Variants in SYTL5 observed in about 807,000 individuals in gnomAD.
SYTL5 encodes synaptotagmin like 5.
A neutral mutation model predicts 55.9 loss-of-function variants in SYTL5; 34 were observed. The observed-to-expected ratio is 0.61, with a 90% CI of 0.46 to 0.81. SYTL5 has a LOEUF of 0.81. Ranked by LOEUF, SYTL5 falls within the 30% of genes least tolerant of loss-of-function variation. The pLI is 0.00. For synonymous variants in SYTL5, 221 were observed against 188.7 expected, an observed-to-expected ratio of 1.17 and a Z score of -1.40; for missense variants, 637 against 546.7, an observed-to-expected ratio of 1.17 and a Z score of -1.65.
intron 1 of SYTL5, among the ~76,000 whole-genome samples, chrX:38,028,858 C>A (rs1386602591): frequency 9.0e-6 from 1 of 111,470 alleles, no homozygotes; most frequent in African/African-American, 3.3e-5. Context: ...TGTCTTAGGG[C>A]AGTCACAGTC....
chrX:38,068,748 G>A (rs1936172498), intron 3 of SYTL5, among the ~76,000 whole-genome samples: 1 of 110,820 alleles, frequency 9.0e-6, no homozygotes, highest in African/African-American at 3.3e-5. Context: ...AGATAAAGAT[G>A]GCAACAATAG....
chrX:37,914,831 C>T, the SYTL5 span, among the ~76,000 whole-genome samples: 6 of 112,099 alleles, frequency 5.4e-5, no homozygotes, highest in African/African-American at 1.9e-4. Context: ...CTAGCCCTCA[C>T]TCTAAACTAA....
At chrX:38,091,057 G>A (rs1936790234) in intron 7 of SYTL5, among the ~76,000 whole-genome samples, 1 of 112,095 alleles carries the variant, frequency 8.9e-6, no homozygotes, top group East Asian at 2.8e-4. Flanking sequence ...GGGGGAAACT[G>A]GAGGTTTTAG....
chrX:38,058,915 G>A (rs1034270234), intron 3 of SYTL5, among the ~76,000 whole-genome samples: 2 of 110,555 alleles, frequency 1.8e-5, no homozygotes, highest in African/African-American at 6.6e-5. Flanking sequence ...TCTATGCCAG[G>A]TAGTCAAGAT....
At chrX:38,079,746 G>A (rs780460365) in intron 6 of SYTL5, among the ~76,000 whole-genome samples, 29 of 111,919 alleles carry the variant, frequency 2.6e-4, no homozygotes, top group African/African-American at 9.4e-4. Context: ...GTGGTCTGAG[G>A]ACTCAGCCTG....
In SYTL5 at chrX:38,126,590, G is replaced by A; in HGVS notation, c.2053G>A (p.Val685Met). 8.3e-7 allele frequency: 1 copy of A among 1,211,560 alleles called. No homozygotes were observed. The highest frequency in any genetic ancestry group is 1.1e-6 in the Non-Finnish European group (1 of 895,345). Residue 685 changes from valine (V) to methionine (M), a missense_variant and splice_region_variant, in exon 17 of 17, where the codon GTG becomes ATG. By Grantham distance (21) the Val-to-Met change is conservative. Coordinates refer to ENST00000297875, the MANE Select transcript of SYTL5 (RefSeq NM_138780.3). ...GGVRLNSGSG[V>M]SHGKNVDWMD... ...ATTTTCCCGTTTCGCCTCTTCAGGT[G>A]TGAGCCATGGGAAGAACGTGGATTG...
chrX:37,968,747 T>A, the SYTL5 span, among the ~76,000 whole-genome samples: 2 of 111,968 alleles, frequency 1.8e-5, no homozygotes, highest in African/African-American at 3.2e-5. Flanking sequence ...ACTAGGCTGA[T>A]CGCTTTCTCA....
At chrX:38,076,738 A>G (rs1198812802) in intron 6 of SYTL5, 37 bp downstream of exon 6, 2 of 1,182,699 alleles carry the variant, frequency 1.7e-6, no homozygotes, top group South Asian at 3.8e-5. Flanking sequence ...ATGTAGCCTG[A>G]GGTTAAGGTT....
chrX:37,902,220 T>G, the SYTL5 span, among the ~76,000 whole-genome samples: 2 of 112,258 alleles, frequency 1.8e-5, no homozygotes, highest in Non-Finnish European at 3.8e-5. Flanking sequence ...CCTTGCATGA[T>G]TCTTGCCTCA....
chrX:38,110,478 C>T lies in SYTL5; in HGVS notation c.1592C>T (p.Pro531Leu). The T allele has an allele frequency of 8.4e-7, 1 of 1,187,776 alleles. No homozygotes were observed. Among genetic ancestry groups the T allele is most frequent in the Non-Finnish European group, 1.1e-6 (1 of 882,278 alleles). ...NPTDEWFVLQ[P>L]KVEFAPDIGL... ...ACTGATGAGTGGTTTGTGCTTCAAC[C>T]CAAGGTAGGAAATGCTCTCAGATTA... The change falls in exon 13 of 17, where the codon CCC becomes CTC. Residue 531 changes from proline to leucine, a missense_variant. Pro to Leu is a moderately conservative substitution (Grantham distance 98, BLOSUM62 -3). Coordinates refer to ENST00000297875, the MANE Select transcript of SYTL5 (RefSeq NM_138780.3).
the SYTL5 span, among the ~76,000 whole-genome samples, chrX:37,909,185 A>C: frequency 8.9e-6 from 1 of 111,903 alleles, no homozygotes. Context: ...TGAAGCATGA[A>C]AAGAGTGTAT....
Position 38,089,522 on chromosome X carries a change from G to A in SYTL5, c.766G>A (p.Val256Met), listed in dbSNP as rs374381741. Reference sequence around the variant, plus strand: ...CCCGAAGAGCAGTCGGAGCAATGGTGTGACCCCAGGCACTCAGAGTTCACC... The same window carrying A: ...CCCGAAGAGCAGTCGGAGCAATGGTATGACCCCAGGCACTCAGAGTTCACC... ...RTPKSSRSNGVTPGTQSSPAP... is the reference protein window; with the variant it reads ...RTPKSSRSNGMTPGTQSSPAP... Residue 256 changes from valine to methionine, a missense_variant, in exon 7 of 17, where the codon GTG (valine) becomes ATG (methionine). Physicochemically the swap from Val to Met is conservative, Grantham distance 21. Transcript: ENST00000297875. The A allele has an allele frequency of 1.7e-6, 2 of 1,208,868 alleles. No homozygotes were observed. Among genetic ancestry groups the A allele is most frequent in the Non-Finnish European group, 2.2e-6 (2 of 894,809 alleles).
intron 3 of SYTL5, among the ~76,000 whole-genome samples, chrX:38,066,658 G>GCA (rs1936108633): frequency 9.1e-6 from 1 of 110,302 alleles, no homozygotes; most frequent in Non-Finnish European, 1.9e-5. Context: ...ACATGCACAC[G>GCA]CACACACACA....
intron 2 of SYTL5, among the ~76,000 whole-genome samples, chrX:38,037,954 A>T (rs1050217796): frequency 1.8e-5 from 2 of 111,340 alleles, no homozygotes; most frequent in Non-Finnish European, 3.8e-5. Context: ...GGGAGAGCTG[A>T]TGCAATAAGT....
At chrX:37,985,749 T>A in the SYTL5 span, among the ~76,000 whole-genome samples, 1 of 111,445 alleles carries the variant, frequency 9.0e-6, no homozygotes, top group Non-Finnish European at 1.9e-5. Flanking sequence ...CAAAATTGAA[T>A]AACTTACATT....
intron 12 of SYTL5, 99 bp from the exon 13 acceptor site, chrX:38,110,222 T>C (rs1937324051): frequency 3.9e-6 from 2 of 519,028 alleles, no homozygotes; most frequent in African/African-American, 2.4e-5. Context: ...ATATTACTGA[T>C]GCATATGATC....
At chrX:37,891,192 G>A in the SYTL5 span, among the ~76,000 whole-genome samples, 1 of 111,640 alleles carries the variant, frequency 9.0e-6, no homozygotes, top group Non-Finnish European at 1.9e-5. Context: ...GTTCATAGGA[G>A]CATTATTCAA....
intron 9 of SYTL5, among the ~76,000 whole-genome samples, chrX:38,097,823 G>C (rs1183001834): frequency 2.8e-5 from 3 of 107,611 alleles, no homozygotes; most frequent in Middle Eastern, 4.7e-3. Flanking sequence ...ATAGCTATCA[G>C]TACAACACAG....
At chrX:38,018,974 C>T (rs573816314) in intron 1 of SYTL5, among the ~76,000 whole-genome samples, 20 of 112,167 alleles carry the variant, frequency 1.8e-4, no homozygotes, top group African/African-American at 6.5e-4. Context: ...TCACTGAGTG[C>T]TGGTCTTTCA....
Sources: gnomAD v4.1 joint callset for allele counts (sites outside exome capture counted in the v4.1 genomes callset) on GRCh38, gnomAD v4.1.1 for gene constraint, MANE v1.5 for transcripts, NCBI Gene and HGNC (gene_info 2026-07-23, HGNC 2026-07-21) for gene names.